NQO2: variants seen among roughly 807,000 people sequenced by gnomAD.
NQO2 encodes the protein N-ribosyldihydronicotinamide:quinone dehydrogenase 2.
NQO2 carries 18 observed loss-of-function variants against 22.0 expected under a neutral mutation model. That is an observed-to-expected ratio of 0.82 (90% CI 0.56 to 1.21). The LOEUF (loss-of-function observed/expected upper bound fraction) is 1.21, where lower values mean the gene tolerates loss of function less well. NQO2 is among the 50% of genes most tolerant of loss of function. The probability of loss-of-function intolerance (pLI) is 0.00; values close to 1 mark genes in which losing one functional copy is unlikely to be tolerated. For missense variants in NQO2, 267 were observed against 286.9 expected (o/e 0.93, Z 0.50); for synonymous variants, 106 against 110.8 (o/e 0.96, Z 0.28).
At chr6:3,012,720 TA>T (rs1757178278) in intron 4 of NQO2, 46 bp downstream of exon 4, 1 of 1,570,300 alleles carries the variant, frequency 6.4e-7, no homozygotes, top group Admixed American at 1.8e-5. Context: ...TCATCTTATG[TA>T]CAAACTCTTT....
chr6:3,011,388 G>A (rs548022524), intron 3 of NQO2, among the ~76,000 whole-genome samples: 2 of 152,260 alleles, frequency 1.3e-5, no homozygotes, highest in East Asian at 1.9e-4. Flanking sequence ...TCAAAGGCAG[G>A]TGATTTGAAA....
intron 6 of NQO2, among the ~76,000 whole-genome samples, chr6:3,017,472 A>G (rs890505754): frequency 5.3e-5 from 8 of 151,820 alleles, no homozygotes; most frequent in South Asian, 2.1e-4. Context: ...GGCCATGCCA[A>G]CCCCCACAGG....
intron 1 of NQO2, among the ~76,000 whole-genome samples, chr6:3,004,929 G>A (rs1756890695): frequency 6.6e-6 from 1 of 151,958 alleles, no homozygotes; most frequent in Non-Finnish European, 1.5e-5. Context: ...CGAGTAGCTG[G>A]GATTACAGGT....
rs1290673094 is a variant in NQO2 at position 3,006,990 on chromosome 6, A to G, written c.7+431A>G. ...TTTTGCAACTGCTTATCATGCACATATACATGAACATGCAATCTCTCAACT... is the reference window on the plus strand; with the variant it reads ...TTTTGCAACTGCTTATCATGCACATGTACATGAACATGCAATCTCTCAACT... On this transcript the variant is annotated intron_variant, in intron 2 of 6. Transcript: ENST00000380455. The surrounding 1 kb of genome is among the most constrained non-coding windows in gnomAD (Gnocchi z 4.0). 2 of 400,496 alleles carry G rather than the reference A, an allele frequency of 5.0e-6. No homozygotes were observed. The highest frequency in any genetic ancestry group is 4.3e-5 in the Admixed American group (1 of 23,126). The allele number at this position is 400,496 out of a possible 1,614,324, so 24.8% of individuals were successfully genotyped here. A position where few individuals can be genotyped will look rare whatever the true frequency, so the allele number is the denominator to read the frequency against.
At chr6:3,002,257 T>G in intron 1 of NQO2, 2 of 984,164 alleles carry the variant, frequency 2.0e-6, no homozygotes, top group Non-Finnish European at 2.4e-6. Context: ...GTTCCCCCAG[T>G]CTGCAGAAAC....
chr6:3,014,541 G>A (rs931523542), intron 4 of NQO2, among the ~76,000 whole-genome samples: 2 of 152,136 alleles, frequency 1.3e-5, no homozygotes, highest in African/African-American at 2.4e-5. Context: ...CCCATAACCC[G>A]GTGGCTGGGT....
Position 3,010,178 on chromosome 6 carries a change from A to G in NQO2, c.161A>G (p.Lys54Arg). ...AMNLEPRATD[K>R]DITGTLSNPE... ...AACCTTGAGCCGAGGGCCACAGACA[A>G]AGATATCACTGGTGAGTCATGGGAT... Residue 54 changes from lysine to arginine, a missense_variant, in exon 3 of 7, where the codon AAA (lysine) becomes AGA (arginine). Coordinates refer to ENST00000380455, the MANE Select transcript of NQO2 (RefSeq NM_000904.6). The G allele has an allele frequency of 1.2e-6, 2 of 1,610,696 alleles. No homozygotes were observed. The highest frequency in any genetic ancestry group is 1.7e-6 in the Non-Finnish European group (2 of 1,178,260).
At position 3,010,234 on chromosome 6, in the gene NQO2, G is replaced by GT. The variant is rs1437868188; in HGVS notation, c.172+51dup. On this transcript the variant is annotated intron_variant, in intron 3 of 6. Transcript: ENST00000380455. ...CTCTATTTATAAAAACCATCTTTAT[G>GT]TTTTTTACTTTAAAAAATGTTGACT... The GT allele has an allele frequency of 3.4e-6, 5 of 1,457,872 alleles. 1 individual carries two copies. Among genetic ancestry groups the GT allele is most frequent in the South Asian group, 2.8e-5 (2 of 70,320 alleles). The allele number at this position is 1,457,872 out of a possible 1,614,324, so 90.3% of individuals were successfully genotyped here.
At chr6:3,014,825 A>G (rs1485559835) in intron 4 of NQO2, among the ~76,000 whole-genome samples, 2 of 152,174 alleles carry the variant, frequency 1.3e-5, no homozygotes, top group Admixed American at 6.5e-5. Context: ...TAGTAGCCCT[A>G]TTTGATGAAT....
chr6:3,017,057 T>C (rs1757354523), intron 6 of NQO2, 72 bp downstream of exon 6: 4 of 1,519,824 alleles, frequency 2.6e-6, no homozygotes, highest in Non-Finnish European at 3.6e-6. Flanking sequence ...CACACATGCA[T>C]ACACACACAC....
intron 2 of NQO2, among the ~76,000 whole-genome samples, chr6:3,008,913 A>G (rs1393115818): frequency 2.0e-5 from 3 of 152,176 alleles, no homozygotes; most frequent in Admixed American, 6.5e-5. Flanking sequence ...AAGGTAATAG[A>G]ATATCACAAA....
intron 6 of NQO2, 118 bp from the exon 7 acceptor site, chr6:3,019,361 T>C (rs1198194927): frequency 6.9e-7 from 1 of 1,452,738 alleles, no homozygotes. Flanking sequence ...AACATTAAGG[T>C]TGTTTCATGA....
intron 1 of NQO2, among the ~76,000 whole-genome samples, chr6:3,002,813 T>C (rs1210356052): frequency 1.3e-5 from 2 of 151,984 alleles, no homozygotes; most frequent in African/African-American, 4.8e-5. Context: ...TTCTCTTTTT[T>C]CTTGAAACAG....
At chr6:3,017,468 G>C (rs1458430655) in intron 6 of NQO2, among the ~76,000 whole-genome samples, 1 of 152,194 alleles carries the variant, frequency 6.6e-6, no homozygotes, top group African/African-American at 2.4e-5. Context: ...TGCTGGCCAT[G>C]CCAACCCCCA....
At chr6:3,001,486 T>G (rs992622059) in intron 1 of NQO2, among the ~76,000 whole-genome samples, 2 of 151,898 alleles carry the variant, frequency 1.3e-5, no homozygotes, top group Non-Finnish European at 2.9e-5. Flanking sequence ...AAGGAACAAG[T>G]ATTAAATAAT....
In NQO2 at chr6:3,006,246, G is replaced by C; in HGVS notation, c.-85-222G>C. On this transcript the variant is annotated intron_variant, in intron 1 of 6. Coordinates refer to ENST00000380455, the MANE Select transcript of NQO2 (RefSeq NM_000904.6). This position sits in a 1 kb window ranked among gnomAD's most constrained non-coding sequence, Gnocchi z 4.0. ...TTGCTGTATGACTGTCTGGATGGAA[G>C]GTTCAGAGTCCTCTCAAAAAAGGAA... 1.3e-6 allele frequency: 1 copy of C among 775,702 alleles called. No individual in the cohort carries two copies. Among genetic ancestry groups the C allele is most frequent in the South Asian group, 5.9e-5 (1 of 16,928 alleles). 48.1% of individuals were successfully genotyped at this position (775,702 alleles called of 1,614,324 possible). A position where few individuals can be genotyped will look rare whatever the true frequency, so the allele number is the denominator to read the frequency against.
chr6:3,010,832 C>T (rs960516677), intron 3 of NQO2, among the ~76,000 whole-genome samples: 1 of 152,024 alleles, frequency 6.6e-6, no homozygotes, highest in African/African-American at 2.4e-5. Context: ...CCATGCTATC[C>T]CCTTTGGAAC....
chr6:3,013,690 C>T (rs982826408), intron 4 of NQO2, among the ~76,000 whole-genome samples: 1 of 152,154 alleles, frequency 6.6e-6, no homozygotes, highest in Non-Finnish European at 1.5e-5. Context: ...AGTGCTGACT[C>T]ATCAGGCCAC....
chr6:3,001,120 A>G (rs7768940), intron 1 of NQO2, among the ~76,000 whole-genome samples: 112,489 of 137,340 alleles, frequency 0.82, 45,922 homozygotes, highest in African/African-American at 0.94. Flanking sequence ...ATGGAGTTTC[A>G]CTCTTATTGC....
Sources: allele counts gnomAD v4.1 joint callset (sites outside exome capture counted in the v4.1 genomes callset), GRCh38; gene constraint gnomAD v4.1.1; non-coding constraint Gnocchi (gnomAD v3.1); transcripts MANE v1.5; gene names NCBI Gene and HGNC (gene_info 2026-07-23, HGNC 2026-07-21).